The following ZZEF1 variants were observed in gnomAD, a reference collection of about 807,000 sequenced individuals.
ZZEF1 encodes the protein zinc finger ZZ-type and EF-hand domain containing 1, also known as zinc finger ZZ-type and EF-hand domain-containing protein 1.
ZZEF1 carries 157 observed loss-of-function variants against 342.8 expected under a neutral mutation model. The observed-to-expected ratio is 0.46, with a 90% CI of 0.40 to 0.52. The LOEUF (loss-of-function observed/expected upper bound fraction) is 0.52, where lower values mean the gene tolerates loss of function less well. ZZEF1 is among the 20% of genes least tolerant of loss of function. ZZEF1 has a pLI of 0.00. For synonymous variants in ZZEF1, 1,505 were observed against 1,429.1 expected (o/e 1.05, Z -1.20); for missense variants, 3,480 against 3,725.6 (o/e 0.93, Z 1.72).
chr17:4,129,866 C>T (rs1231921300), intron 1 of ZZEF1, among the ~76,000 whole-genome samples: 1 of 152,152 alleles, frequency 6.6e-6, no homozygotes, highest in Non-Finnish European at 1.5e-5. Context: ...TTTGTGGGAA[C>T]ATGGATGGAG....
At chr17:4,125,623 G>A (rs2058561311) in intron 1 of ZZEF1, among the ~76,000 whole-genome samples, 1 of 152,226 alleles carries the variant, frequency 6.6e-6, no homozygotes, top group Non-Finnish European at 1.5e-5. Flanking sequence ...CATTCAAAAG[G>A]AGAGCAGGTA....
Position 4,016,636 on chromosome 17 carries a change from A to C in ZZEF1, c.8002-170T>G. 1.5e-6 allele frequency: 1 copy of C among 656,906 alleles called. No individual in the cohort carries two copies. The highest frequency in any genetic ancestry group is 2.1e-5 in the South Asian group (1 of 48,460). 40.7% of individuals were successfully genotyped at this position (656,906 alleles called of 1,614,324 possible). A position where few individuals can be genotyped will look rare whatever the true frequency, so the allele number is the denominator to read the frequency against. ...AACTCCACCAGCCACCTCTCACTTGACCAGGCTCTTGGTGTCAATCAGGAC... is the reference window on the plus strand; with the variant it reads ...AACTCCACCAGCCACCTCTCACTTGCCCAGGCTCTTGGTGTCAATCAGGAC... On this transcript the variant is annotated intron_variant, in intron 48 of 54. Transcript: ENST00000381638. This position sits in a 1 kb window ranked among gnomAD's most constrained non-coding sequence, Gnocchi z 4.4.
chr17:4,021,128 C>G lies in ZZEF1; in HGVS notation c.7404+1G>C. The G allele has an allele frequency of 6.2e-7, 1 of 1,609,096 alleles. No homozygotes were observed. ...AGCCACAAGATGACTCAAGAACACA[C>G]CAAGAAACATATTCTGGTGGGCTCA... is the stretch of plus-strand genomic sequence containing the variant. On this transcript the variant is annotated splice_donor_variant, in intron 45 of 54. Coordinates refer to ENST00000381638, the MANE Select transcript of ZZEF1 (RefSeq NM_015113.4). LOFTEE classifies it high-confidence loss of function.
At chr17:4,116,865 T>G (rs1801784321) in intron 3 of ZZEF1, 107 bp downstream of exon 3, 7 of 1,186,896 alleles carry the variant, frequency 5.9e-6, no homozygotes, top group Middle Eastern at 2.7e-4. Context: ...CTCATGACTC[T>G]GTATTTTCAG....
In ZZEF1 at chr17:4,139,088, C is replaced by CATGT. The variant is rs1288051754; in HGVS notation, c.354+3450_354+3453dup. 2.9e-5 allele frequency among the ~76,000 whole-genome samples: 4 copies of CATGT among 136,098 alleles called. 2 individuals carry two copies. The highest frequency in any genetic ancestry group is 1.2e-4 in the African/African-American group (4 of 34,040). 89.3% of individuals were successfully genotyped at this position (136,098 alleles called of 152,430 possible). ...CTAAGTTAGGAAGCCAAAGAAGAAA[C>CATGT]ATGTAACACTTGGAAACTCTCAGCA... On this transcript the variant is annotated intron_variant, in intron 1 of 54. Coordinates refer to ENST00000381638, the MANE Select transcript of ZZEF1 (RefSeq NM_015113.4).
chr17:4,064,344 G>A lies in ZZEF1; in HGVS notation c.4718+17C>T. On this transcript the variant is annotated intron_variant, in intron 29 of 54. Coordinates refer to ENST00000381638, the MANE Select transcript of ZZEF1 (RefSeq NM_015113.4). ...GCTTAAAAAGAGAAAGCGACAGGAA[G>A]GTAACAACGGGCTTACCTCCTGTGC... 1.3e-6 allele frequency: 2 copies of A among 1,549,790 alleles called. No individual in the cohort carries two copies. The highest frequency in any genetic ancestry group is 1.7e-4 in the Middle Eastern group (1 of 5,760).
intron 37 of ZZEF1, among the ~76,000 whole-genome samples, chr17:4,047,557 C>G (rs934201416): frequency 6.6e-6 from 1 of 152,150 alleles, no homozygotes; most frequent in Admixed American, 6.6e-5. Context: ...GTGGGAGGAT[C>G]GTTGGAGCCC....
chr17:4,102,269 G>T (rs1597894688), intron 9 of ZZEF1, 48 bp downstream of exon 9: 1 of 1,522,900 alleles, frequency 6.6e-7, no homozygotes, highest in South Asian at 1.1e-5. Flanking sequence ...TCACACAGCT[G>T]ACTCCTGTCT....
intron 1 of ZZEF1, among the ~76,000 whole-genome samples, chr17:4,136,181 T>C (rs1436451272): frequency 1.3e-5 from 2 of 150,066 alleles, no homozygotes; most frequent in Admixed American, 1.3e-4. Flanking sequence ...CCGTCTCTAC[T>C]AAAAATACAG....
At chr17:4,077,450 T>C (rs898597088) in intron 19 of ZZEF1, among the ~76,000 whole-genome samples, 1 of 152,338 alleles carries the variant, frequency 6.6e-6, no homozygotes, top group South Asian at 2.1e-4. Flanking sequence ...TTCATATAAT[T>C]TTCTGTGAGT....
At chr17:4,024,177 A>G (rs2056342522) in intron 43 of ZZEF1, among the ~76,000 whole-genome samples, 1 of 111,834 alleles carries the variant, frequency 8.9e-6, no homozygotes, top group Admixed American at 9.5e-5. Context: ...CATGCCAAAT[A>G]TTGCCCAGGT....
chr17:4,066,432 T>C lies in ZZEF1; in HGVS notation c.4249+15A>G. 1 of 1,613,396 alleles carries C rather than the reference T, an allele frequency of 6.2e-7. No homozygotes were observed. Among genetic ancestry groups the C allele is most frequent in the Non-Finnish European group, 8.5e-7 (1 of 1,179,374 alleles). ...CAGAAGGCTCAGGGACAACAGCTGG[T>C]GTTAGCACACTCACCCAGGCTCTCA... On this transcript the variant is annotated intron_variant, in intron 28 of 54. Transcript: ENST00000381638.
Position 4,064,409 on chromosome 17 carries a change from A to G in ZZEF1, c.4670T>C (p.Leu1557Pro). 6.2e-7 allele frequency: 1 copy of G among 1,610,264 alleles called. No individual in the cohort carries two copies. Among genetic ancestry groups the G allele is most frequent in the Non-Finnish European group, 8.5e-7 (1 of 1,176,728 alleles). ...CTTAATGAAGTCCATGACGTCCTTC[A>G]GCACAGGGTATTTCTCTTTCACTGT... Reference protein sequence around the residue: ...VPTVKEKYPVLKDVMDFIKDQ... With the variant: ...VPTVKEKYPVPKDVMDFIKDQ... Residue 1557 changes from leucine to proline, a missense_variant, in exon 29 of 55, where the codon CTG becomes CCG. Physicochemically the swap from Leu to Pro is moderately conservative, Grantham distance 98 (BLOSUM62 -3). Transcript: ENST00000381638.
chr17:4,116,792 G>A (rs1449209966), intron 3 of ZZEF1, among the ~76,000 whole-genome samples, 180 bp downstream of exon 3: 3 of 152,198 alleles, frequency 2.0e-5, no homozygotes, highest in Admixed American at 2.0e-4. Flanking sequence ...ATTGAATGAT[G>A]AGAAACCAGC....
chr17:4,027,299 T>A (rs978608416), intron 42 of ZZEF1, among the ~76,000 whole-genome samples: 1 of 140,812 alleles, frequency 7.1e-6, no homozygotes, highest in East Asian at 2.0e-4. Flanking sequence ...TTTTTTTTTT[T>A]TTTTTTTTTT....
At position 4,076,745 on chromosome 17, in the gene ZZEF1, C is replaced by T; in HGVS notation, c.3126G>A (p.Leu1042=). 1 of 1,609,770 alleles carries T rather than the reference C, an allele frequency of 6.2e-7. No homozygotes were observed. Among genetic ancestry groups the T allele is most frequent in the Non-Finnish European group, 8.5e-7 (1 of 1,177,010 alleles). ...GTGGGATGTCTAAAGTGCAGAAGTC[C>T]AGCAGGAAGATAACCTAATGGAAGA... is the stretch of plus-strand genomic sequence containing the variant. The part of the protein sequence containing the change: ...MAARQLVIFL[L]DFCTLDIPHC... The change falls in exon 21 of 55, where the codon CTG becomes CTA. Residue 1042 remains leucine, a synonymous_variant. Transcript: ENST00000381638.
At position 4,006,949 on chromosome 17, in the gene ZZEF1, T is replaced by C. The variant is rs1232816495; in HGVS notation, c.8827A>G (p.Ile2943Val). ...TTTGGGTAGTTGATGGCCAGGCTGATGGCAGCAATGTTCTGCAGAGCCTGT... is the reference window on the plus strand; with the variant it reads ...TTTGGGTAGTTGATGGCCAGGCTGACGGCAGCAATGTTCTGCAGAGCCTGT... ...AAQALQNIAA[I>V]SLAINYPNKA... The change falls in exon 55 of 55, where the codon ATC becomes GTC. Residue 2943 changes from isoleucine (I) to valine (V), a missense_variant. By Grantham distance (29) the Ile-to-Val change is conservative. Coordinates refer to ENST00000381638, the MANE Select transcript of ZZEF1 (RefSeq NM_015113.4). 3 of 1,582,380 alleles carry C rather than the reference T, an allele frequency of 1.9e-6. No individual in the cohort carries two copies. The South Asian group carries it at 3.5e-5, about 18-fold the overall frequency.
At chr17:4,057,973 A>G in intron 32 of ZZEF1, 21 bp downstream of exon 32, 1 of 1,605,688 alleles carries the variant, frequency 6.2e-7, no homozygotes, top group Non-Finnish European at 8.5e-7. Flanking sequence ...GGAACTGCAG[A>G]GCGCAGGACC....
chr17:4,038,073 T>C (rs1370149422), intron 39 of ZZEF1, among the ~76,000 whole-genome samples: 1 of 152,224 alleles, frequency 6.6e-6, no homozygotes, highest in Non-Finnish European at 1.5e-5. Context: ...TTAGAAGTAA[T>C]ATGGCATGAA....
Sources: gnomAD v4.1 joint callset for allele counts (sites outside exome capture counted in the v4.1 genomes callset) on GRCh38, gnomAD v4.1.1 for gene constraint, Gnocchi (gnomAD v3.1) non-coding constraint, MANE v1.5 for transcripts, NCBI Gene and HGNC (gene_info 2026-07-23, HGNC 2026-07-21) for gene names.